PBX3: variants seen among roughly 807,000 people sequenced by gnomAD.
PBX3 encodes the protein pre-B-cell leukemia transcription factor 3.
In PBX3, 14 loss-of-function variants were observed where a neutral mutation model predicts 48.5. The observed-to-expected ratio is 0.29, with a 90% CI of 0.19 to 0.45. PBX3 has a LOEUF of 0.45. Ranked by LOEUF, PBX3 falls within the 20% of genes least tolerant of loss-of-function variation. The pLI is 1.00. For missense variants in PBX3, 386 were observed against 546.7 expected (o/e 0.71, Z 2.93); for synonymous variants, 210 against 200.3 (o/e 1.05, Z -0.41).
At chr9:125,770,273 T>C (rs1836907787) in intron 2 of PBX3, among the ~76,000 whole-genome samples, 1 of 152,142 alleles carries the variant, frequency 6.6e-6, no homozygotes, top group South Asian at 2.1e-4. Flanking sequence ...TAGTGACATG[T>C]GTAATATGAA....
At chr9:125,857,730 C>T (rs10986983) in intron 2 of PBX3, among the ~76,000 whole-genome samples, 96,874 of 151,992 alleles carry the variant, frequency 0.64, 31,293 homozygotes, top group East Asian at 0.76. Context: ...ATAACATGTT[C>T]ATGATAAACT....
chr9:125,826,881 A>C (rs1838823097), intron 2 of PBX3, among the ~76,000 whole-genome samples: 1 of 152,146 alleles, frequency 6.6e-6, no homozygotes. Context: ...GTTTGGTAAC[A>C]TTTCAAGTTC....
chr9:125,778,262 C>T lies in PBX3; in HGVS notation c.274+29639C>T, dbSNP rs190043090. 4.3e-3 allele frequency among the ~76,000 whole-genome samples: 635 copies of T among 147,386 alleles called. 1 individual carries two copies. The highest frequency in any genetic ancestry group is 7.3e-3 in the Non-Finnish European group (487 of 66,712). On this transcript the variant is annotated intron_variant, in intron 2 of 8. Transcript: ENST00000373489. ...CAGGTGTGAGCCACCGTGCCTGGCC[C>T]TCTTTTTTTTTTTTGAGACGGAGTC...
At chr9:125,871,271 C>T (rs1331358051) in intron 2 of PBX3, among the ~76,000 whole-genome samples, 3 of 151,186 alleles carry the variant, frequency 2.0e-5, no homozygotes, top group African/African-American at 7.3e-5. Flanking sequence ...GTGGTGGGTG[C>T]TTGTAGTCCC....
At chr9:125,837,127 T>C (rs1839160172) in intron 2 of PBX3, among the ~76,000 whole-genome samples, 1 of 152,112 alleles carries the variant, frequency 6.6e-6, no homozygotes, top group African/African-American at 2.4e-5. Context: ...ACCACCTAAA[T>C]GTTTAACAGT....
chr9:125,818,244 T>C (rs1838528800), intron 2 of PBX3, among the ~76,000 whole-genome samples: 1 of 151,194 alleles, frequency 6.6e-6, no homozygotes, highest in South Asian at 2.1e-4. Flanking sequence ...GATATAGTAT[T>C]ACCAGAGAGT....
At chr9:125,761,899 C>T (rs774097176) in intron 2 of PBX3, among the ~76,000 whole-genome samples, 5 of 152,106 alleles carry the variant, frequency 3.3e-5, no homozygotes, top group Non-Finnish European at 7.4e-5. Context: ...ATTTATAGAT[C>T]CCCATTTCAT....
At chr9:125,805,170 TA>T (rs926314600) in intron 2 of PBX3, among the ~76,000 whole-genome samples, 219 of 145,770 alleles carry the variant, frequency 1.5e-3, no homozygotes, top group African/African-American at 4.7e-3. Context: ...GGAGCAGGCT[TA>T]AAAAAAAAAA....
chr9:125,838,571 T>C (rs1839204176), intron 2 of PBX3, among the ~76,000 whole-genome samples: 1 of 152,210 alleles, frequency 6.6e-6, no homozygotes, highest in Admixed American at 6.5e-5. Context: ...CTTTGCAGGA[T>C]ATGAAAAATC....
chr9:125,922,743 G>T (rs907896589), intron 3 of PBX3, among the ~76,000 whole-genome samples: 1 of 152,136 alleles, frequency 6.6e-6, no homozygotes, highest in Non-Finnish European at 1.5e-5. Context: ...TTTAAAAAAT[G>T]TATGCCTTTT....
chr9:125,877,062 G>C (rs1022392810), intron 2 of PBX3, among the ~76,000 whole-genome samples: 9 of 152,102 alleles, frequency 5.9e-5, no homozygotes, highest in Admixed American at 5.2e-4. Context: ...GTGAGCCACC[G>C]TGCCGGGCAC....
intron 5 of PBX3, among the ~76,000 whole-genome samples, chr9:125,940,245 G>A (rs1252239222): frequency 6.6e-6 from 1 of 152,024 alleles, no homozygotes; most frequent in Non-Finnish European, 1.5e-5. Context: ...CAATCAAGGA[G>A]TTTCAGTATT....
At chr9:125,894,889 T>C (rs1840734892) in intron 2 of PBX3, among the ~76,000 whole-genome samples, 1 of 152,104 alleles carries the variant, frequency 6.6e-6, no homozygotes, top group Admixed American at 6.6e-5. Flanking sequence ...TTTATAGCAG[T>C]TGTGAAAATG....
Position 125,962,133 on chromosome 9 carries a change from T to C in PBX3, c.1041T>C (p.Ser347=), listed in dbSNP as rs763704099. 6.2e-7 allele frequency: 1 copy of C among 1,611,894 alleles called. No homozygotes were observed. Among genetic ancestry groups the C allele is most frequent in the East Asian group, 2.2e-5 (1 of 44,854 alleles). ...CTGGTTCTTTTAACCTCCCAAATTC[T>C]GGGGACATGTTCATGAACATGCAGA... ...GSSGSFNLPN[S]GDMFMNMQSL... Residue 347 remains serine (S), a synonymous_variant, in exon 7 of 9, where the codon TCT becomes TCC. Coordinates refer to ENST00000373489, the MANE Select transcript of PBX3 (RefSeq NM_006195.6).
intron 2 of PBX3, among the ~76,000 whole-genome samples, chr9:125,890,771 A>G (rs549030139): frequency 6.6e-6 from 1 of 152,376 alleles, no homozygotes; most frequent in Non-Finnish European, 1.5e-5. Context: ...GACTAGCCAA[A>G]TATCAGAGCC....
intron 2 of PBX3, among the ~76,000 whole-genome samples, chr9:125,889,443 A>G (rs1392236671): frequency 6.6e-6 from 1 of 152,190 alleles, no homozygotes; most frequent in Non-Finnish European, 1.5e-5. Flanking sequence ...ATCTAGAACG[A>G]TAAATAATGG....
At chr9:125,953,942 T>C (rs981815319) in intron 5 of PBX3, among the ~76,000 whole-genome samples, 6 of 152,286 alleles carry the variant, frequency 3.9e-5, no homozygotes, top group Non-Finnish European at 7.4e-5. Context: ...TATGCACGGT[T>C]TCATGGTTTT....
At chr9:125,799,370 T>G (rs900384192) in intron 2 of PBX3, among the ~76,000 whole-genome samples, 2 of 152,106 alleles carry the variant, frequency 1.3e-5, no homozygotes, top group African/African-American at 4.8e-5. Flanking sequence ...CTGGGTGTGG[T>G]GGCGTGCACG....
chr9:125,914,461 C>T (rs1196911991), intron 2 of PBX3, among the ~76,000 whole-genome samples: 1 of 152,150 alleles, frequency 6.6e-6, no homozygotes, highest in Non-Finnish European at 1.5e-5. Context: ...GAAATCTGTT[C>T]TTAAAAGAAT....
Sources: allele counts gnomAD v4.1 joint callset (sites outside exome capture counted in the v4.1 genomes callset), GRCh38; gene constraint gnomAD v4.1.1; transcripts MANE v1.5; gene names NCBI Gene and HGNC (gene_info 2026-07-23, HGNC 2026-07-21).